Variants in CNBD2 observed in about 807,000 individuals in gnomAD.
The protein encoded by CNBD2 is cyclic nucleotide-binding domain-containing protein 2.
A neutral mutation model predicts 63.7 loss-of-function variants in CNBD2; 64 were observed. That is an observed-to-expected ratio of 1.00 (90% CI 0.82 to 1.24). CNBD2 has a LOEUF of 1.24. Ranked by LOEUF, CNBD2 falls within the 50% of genes most tolerant of loss-of-function variation. The probability of loss-of-function intolerance (pLI) is 0.00; values close to 1 mark genes in which losing one functional copy is unlikely to be tolerated. For missense variants in CNBD2, 691 were observed against 713.5 expected (o/e 0.97, Z 0.36); for synonymous variants, 229 against 255.4 (o/e 0.90, Z 0.99).
At chr20:35,984,267 C>G (rs1469595520) in intron 5 of CNBD2, 129 bp downstream of exon 5, 2 of 917,318 alleles carry the variant, frequency 2.2e-6, no homozygotes, top group Admixed American at 5.9e-5. Flanking sequence ...CGTGTGGGCC[C>G]CTTACCTGTC....
intron 8 of CNBD2, among the ~76,000 whole-genome samples, chr20:35,998,666 C>T (rs941741405): frequency 4.6e-5 from 7 of 151,794 alleles, no homozygotes; most frequent in African/African-American, 7.3e-5. Context: ...GTCAGGAGTT[C>T]GAGACCAGCC....
intron 10 of CNBD2, among the ~76,000 whole-genome samples, chr20:36,016,327 G>A (rs575300436): frequency 6.6e-6 from 1 of 152,310 alleles, no homozygotes; most frequent in East Asian, 1.9e-4. Context: ...GGTGAAACAG[G>A]AAATCTAAGC....
upstream of CNBD2, among the ~76,000 whole-genome samples, chr20:35,964,267 G>A (rs553262203): frequency 2.1e-4 from 31 of 151,134 alleles, no homozygotes; most frequent in Admixed American, 1.5e-3. Flanking sequence ...CACAACTTCC[G>A]CCTCCTGGGT....
chr20:36,003,858 T>C (rs1279252238), intron 8 of CNBD2, among the ~76,000 whole-genome samples: 2 of 149,472 alleles, frequency 1.3e-5, no homozygotes, highest in African/African-American at 4.9e-5. Flanking sequence ...TTGGAAAACA[T>C]AGCTGGACTC....
chr20:35,995,238 A>G, intron 8 of CNBD2, 86 bp downstream of exon 8: 1 of 895,718 alleles, frequency 1.1e-6, no homozygotes, highest in Non-Finnish European at 1.8e-6. Context: ...TTAGAAATCT[A>G]GTCAGCCAGC....
At position 36,008,437 on chromosome 20, in the gene CNBD2, G is replaced by A; in HGVS notation, c.1111G>A (p.Gly371Arg). ...CTTCAGCAGGAAGATCAGAACCTCA[G>A]GAGACACTCTCCCCAAGATGCTGGG... ...TSFSRKIRTS[G>R]DTLPKMLGPK... The change falls in exon 9 of 12, where the codon GGA becomes AGA. Residue 371 changes from glycine (G) to arginine (R), a missense_variant. Physicochemically the swap from Gly to Arg is moderately radical, Grantham distance 125. Coordinates refer to ENST00000373973, the MANE Select transcript of CNBD2 (RefSeq NM_001365709.1). The A allele has an allele frequency of 6.2e-7, 1 of 1,613,788 alleles. No individual in the cohort carries two copies. Among genetic ancestry groups the A allele is most frequent in the Non-Finnish European group, 8.5e-7 (1 of 1,179,918 alleles).
intron 2 of CNBD2, among the ~76,000 whole-genome samples, chr20:35,961,770 T>G (rs1459318983): frequency 6.6e-6 from 1 of 152,166 alleles, no homozygotes; most frequent in East Asian, 1.9e-4. Context: ...TAGTGAAGCT[T>G]CTTCTGACAG....
intron 8 of CNBD2, among the ~76,000 whole-genome samples, chr20:35,999,669 C>T (rs1034732984): frequency 6.7e-6 from 1 of 150,198 alleles, no homozygotes; most frequent in Non-Finnish European, 1.5e-5. Context: ...TTGCTTTAAA[C>T]AAGTATCTTC....
intron 7 of CNBD2, among the ~76,000 whole-genome samples, chr20:35,992,133 G>C (rs1267078741): frequency 3.9e-5 from 6 of 152,152 alleles, no homozygotes; most frequent in African/African-American, 1.4e-4. Flanking sequence ...CACCCTCCTC[G>C]GCCTCCCAAA....
chr20:35,987,118 G>A (rs2056678593), intron 6 of CNBD2, among the ~76,000 whole-genome samples: 1 of 152,138 alleles, frequency 6.6e-6, no homozygotes, highest in African/African-American at 2.4e-5. Context: ...GAGCAGAGGT[G>A]AGAAAAGCAC....
intron 10 of CNBD2, among the ~76,000 whole-genome samples, chr20:36,021,320 T>C (rs1485812623): frequency 2.0e-5 from 3 of 152,140 alleles, no homozygotes; most frequent in African/African-American, 7.2e-5. Flanking sequence ...AAGACAAATA[T>C]TGTATGTTCT....
At chr20:36,017,105 G>A (rs2057145295) in intron 10 of CNBD2, among the ~76,000 whole-genome samples, 2 of 151,904 alleles carry the variant, frequency 1.3e-5, no homozygotes, top group Admixed American at 6.6e-5. Flanking sequence ...GGGCAGTATG[G>A]ATGACCACGC....
Position 35,987,206 on chromosome 20 carries a change from G to A in CNBD2, c.717-189G>A, listed in dbSNP as rs568857289. 2.0e-5 allele frequency among the ~76,000 whole-genome samples: 3 copies of A among 152,308 alleles called. No homozygotes were observed. In the East Asian group the frequency reaches 5.8e-4, roughly 29 times the overall value. ...CTGGAGGGGAGGGCCTTGGGAAAAG[G>A]AGGAGGGAGCCAAGGTGATAGCAGG... On this transcript the variant is annotated intron_variant, in intron 6 of 11. Transcript: ENST00000373973.
Position 36,008,383 on chromosome 20 carries a change from A to C in CNBD2, c.1057A>C (p.Lys353Gln). 6.2e-7 allele frequency: 1 copy of C among 1,613,984 alleles called. No homozygotes were observed. Among genetic ancestry groups the C allele is most frequent in the East Asian group, 2.2e-5 (1 of 44,876 alleles). ...DFSSLKLPHLKKAWGLQGTSF... is the reference protein window; with the variant it reads ...DFSSLKLPHLQKAWGLQGTSF... ...TAGCTCCTTGAAACTTCCACATCTC[A>C]AAAAAGCCTGGGGGCTACAGGGGAC... Residue 353 changes from lysine to glutamine, a missense_variant, in exon 9 of 12, where the codon AAA becomes CAA. Lys to Gln is a moderately conservative substitution (Grantham distance 53). Coordinates refer to ENST00000373973, the MANE Select transcript of CNBD2 (RefSeq NM_001365709.1).
chr20:36,017,930 C>T (rs550989835), intron 10 of CNBD2, among the ~76,000 whole-genome samples: 1 of 152,338 alleles, frequency 6.6e-6, no homozygotes, highest in East Asian at 1.9e-4. Flanking sequence ...AGCGTGGTCA[C>T]CCACACTCCC....
downstream of CNBD2, among the ~76,000 whole-genome samples, chr20:35,957,047 T>C (rs1272122252): frequency 2.0e-5 from 3 of 152,216 alleles, no homozygotes; most frequent in Non-Finnish European, 4.4e-5. Context: ...AATGAACTTT[T>C]GTGGCACCTG....
At chr20:35,966,024 G>A (rs2056342459), upstream of CNBD2, among the ~76,000 whole-genome samples, 1 of 152,148 alleles carries the variant, frequency 6.6e-6, no homozygotes, top group South Asian at 2.1e-4. Flanking sequence ...TCAGAGGACT[G>A]ACGGGACACC....
rs1601023984 is a variant in CNBD2 at position 35,976,123 on chromosome 20, G to A, written c.243+121G>A. 7.3e-6 allele frequency: 6 copies of A among 818,192 alleles called. No individual in the cohort carries two copies. In the East Asian group the frequency reaches 1.5e-4, roughly 21 times the overall value. 50.7% of individuals were successfully genotyped at this position (818,192 alleles called of 1,614,324 possible). The stretch of plus-strand genomic sequence containing the variant: ...CTAGGCTCTGCCACCAACTCAGCTT[G>A]TCACCCTGGGTTGGCCACTTCGTTT... On this transcript the variant is annotated intron_variant, in intron 3 of 11. Transcript: ENST00000373973.
At chr20:35,986,396 T>C (rs1193048292) in intron 6 of CNBD2, among the ~76,000 whole-genome samples, 1 of 152,148 alleles carries the variant, frequency 6.6e-6, no homozygotes, top group African/African-American at 2.4e-5. Flanking sequence ...TTACCAGCGA[T>C]GTGACCCTAG....
Sources: allele counts gnomAD v4.1 joint callset (sites outside exome capture counted in the v4.1 genomes callset), GRCh38; gene constraint gnomAD v4.1.1; transcripts MANE v1.5; gene names NCBI Gene and HGNC (gene_info 2026-07-23, HGNC 2026-07-21).